The following LRRC1 variants were observed in gnomAD, a reference collection of about 807,000 sequenced individuals.
LRRC1 encodes the protein leucine-rich repeat-containing protein 1.
In LRRC1, 28 loss-of-function variants were observed where a neutral mutation model predicts 69.9. The ratio of observed to expected loss-of-function variants is 0.40; its 90% CI spans 0.30 to 0.55. LRRC1 has a LOEUF of 0.55. LRRC1 is among the 20% of genes least tolerant of loss of function. LRRC1 has a pLI of 0.47. For missense variants in LRRC1, 498 were observed against 609.0 expected (o/e 0.82, Z 1.92); for synonymous variants, 236 against 240.2 (o/e 0.98, Z 0.16).
At chr6:53,900,331 C>T (rs1283670302) in intron 8 of LRRC1, among the ~76,000 whole-genome samples, 1 of 152,162 alleles carries the variant, frequency 6.6e-6, no homozygotes, top group Non-Finnish European at 1.5e-5. Context: ...GCCACCATGC[C>T]CGGCCTTGCT....
intron 2 of LRRC1, among the ~76,000 whole-genome samples, chr6:53,873,822 G>C: frequency 6.6e-6 from 1 of 152,078 alleles, no homozygotes; most frequent in East Asian, 1.9e-4. Context: ...GTCTTGTCTA[G>C]ATCTTACGAA....
Position 53,918,569 on chromosome 6 carries a change from G to C in LRRC1, c.1107-929G>C, listed in dbSNP as rs1400475930. ...CTTTTCATATCTTTAGAGAGTTCTA[G>C]TTTATTTCCTGTAAGTTCTGTCAAT... On this transcript the variant is annotated intron_variant, in intron 11 of 13. Transcript: ENST00000370888. Among the ~76,000 whole-genome samples, 6 of 152,090 alleles carry C rather than the reference G, an allele frequency of 3.9e-5. No individual in the cohort carries two copies. In the East Asian group the frequency reaches 1.2e-3, roughly 29 times the overall value.
intron 2 of LRRC1, among the ~76,000 whole-genome samples, chr6:53,857,819 A>T (rs1766361442): frequency 6.6e-6 from 1 of 152,218 alleles, no homozygotes; most frequent in Non-Finnish European, 1.5e-5. Context: ...GAAGGCTTGA[A>T]ACATATCCAC....
intron 1 of LRRC1, among the ~76,000 whole-genome samples, chr6:53,825,103 A>T (rs1042235954): frequency 1.2e-4 from 18 of 152,284 alleles, no homozygotes; most frequent in African/African-American, 4.3e-4. Flanking sequence ...GGTGTGTTCC[A>T]GTGTGTGTTT....
intron 1 of LRRC1, among the ~76,000 whole-genome samples, chr6:53,827,676 C>T (rs770950584): frequency 2.6e-5 from 4 of 152,034 alleles, no homozygotes; most frequent in African/African-American, 4.8e-5. Flanking sequence ...GAAATGGAGT[C>T]AGAAAGGCCA....
chr6:53,879,572 C>A (rs1767198781), intron 3 of LRRC1, among the ~76,000 whole-genome samples: 1 of 152,172 alleles, frequency 6.6e-6, no homozygotes, highest in South Asian at 2.1e-4. Flanking sequence ...GCCGGAGCCA[C>A]CTCGCCCAGC....
At chr6:53,876,804 C>T (rs1410191879) in intron 2 of LRRC1, among the ~76,000 whole-genome samples, 2 of 152,220 alleles carry the variant, frequency 1.3e-5, no homozygotes, top group African/African-American at 4.8e-5. Flanking sequence ...GGTATAACCC[C>T]TTACCTGGCT....
chr6:53,831,641 A>G (rs928180961), intron 1 of LRRC1, among the ~76,000 whole-genome samples: 1 of 152,188 alleles, frequency 6.6e-6, no homozygotes, highest in African/African-American at 2.4e-5. Context: ...TTAGAGTAAG[A>G]GATAAAGTCC....
intron 1 of LRRC1, among the ~76,000 whole-genome samples, chr6:53,796,892 A>C (rs1400062014): frequency 6.6e-6 from 1 of 152,070 alleles, no homozygotes; most frequent in East Asian, 1.9e-4. Context: ...TCACTGCTTT[A>C]AGTTGTGTAA....
chr6:53,884,929 T>C (rs569102695), intron 4 of LRRC1, among the ~76,000 whole-genome samples: 1 of 152,376 alleles, frequency 6.6e-6, no homozygotes, highest in African/African-American at 2.4e-5. Flanking sequence ...AATCAGCTTC[T>C]GTTACTATTA....
intron 2 of LRRC1, among the ~76,000 whole-genome samples, chr6:53,852,749 A>AT (rs1766179628): frequency 6.6e-6 from 1 of 152,214 alleles, no homozygotes; most frequent in Admixed American, 6.5e-5. Context: ...GAATTTGAAG[A>AT]TAAAAACTGG....
intron 1 of LRRC1, among the ~76,000 whole-genome samples, chr6:53,798,307 G>A (rs1324680378): frequency 1.3e-5 from 2 of 152,238 alleles, no homozygotes; most frequent in African/African-American, 2.4e-5. Flanking sequence ...TTTTGGCTCT[G>A]TGCTAACAAA....
intron 1 of LRRC1, among the ~76,000 whole-genome samples, chr6:53,795,905 T>A (rs956889804): frequency 6.6e-6 from 1 of 152,246 alleles, no homozygotes; most frequent in African/African-American, 2.4e-5. Context: ...CGGGCCGCAC[T>A]ATCTCGGCAT....
Position 53,920,769 on chromosome 6 carries a change from A to G in LRRC1, c.1416+8A>G. The G allele has an allele frequency of 6.2e-7, 1 of 1,614,146 alleles. No homozygotes were observed. Among genetic ancestry groups the G allele is most frequent in the Non-Finnish European group, 8.5e-7 (1 of 1,179,996 alleles). On this transcript the variant is annotated splice_region_variant and intron_variant, in intron 13 of 13. Coordinates refer to ENST00000370888, the MANE Select transcript of LRRC1 (RefSeq NM_018214.5). ...GAAGAAGACAATGAGACGGTATGGA[A>G]ATGCAGATTCTTTGCCTCTGTGGAA...
chr6:53,897,810 C>T (rs1767924891), intron 7 of LRRC1, among the ~76,000 whole-genome samples: 2 of 152,102 alleles, frequency 1.3e-5, no homozygotes, highest in African/African-American at 2.4e-5. Context: ...CCAAATGTTG[C>T]TTATGGTTTA....
rs1364296001 is a variant in LRRC1, at chr6:53,922,745, C to CA, written c.1532dup (p.Asn511LysfsTer8). On this transcript the variant is annotated frameshift_variant, in exon 14 of 14. Transcript: ENST00000370888. LOFTEE classifies it high-confidence loss of function. ...ATGCTGCTAAAGGACTGGACTCAAA[C>CA]AAAAACGAGGTCAATCATGCCATTG... 1 of 1,614,036 alleles carries CA rather than the reference C, an allele frequency of 6.2e-7. No homozygotes were observed. The highest frequency in any genetic ancestry group is 8.5e-7 in the Non-Finnish European group (1 of 1,179,942).
intron 1 of LRRC1, among the ~76,000 whole-genome samples, chr6:53,824,111 C>T (rs1021541177): frequency 6.6e-6 from 1 of 150,938 alleles, no homozygotes; most frequent in Non-Finnish European, 1.5e-5. Flanking sequence ...CCACCAACAG[C>T]GTTTAAGTGT....
intron 2 of LRRC1, among the ~76,000 whole-genome samples, chr6:53,855,351 C>A (rs1269967439): frequency 6.6e-6 from 1 of 152,144 alleles, no homozygotes; most frequent in Non-Finnish European, 1.5e-5. Flanking sequence ...TGAATGAGTG[C>A]TGGGTTAAGA....
chr6:53,883,209 A>C (rs78843642), intron 4 of LRRC1, among the ~76,000 whole-genome samples: 1 of 152,200 alleles, frequency 6.6e-6, no homozygotes, highest in African/African-American at 2.4e-5. Flanking sequence ...TAAAAACCCT[A>C]AATTGTTTGG....
Sources: gnomAD v4.1 joint callset for allele counts (sites outside exome capture counted in the v4.1 genomes callset) on GRCh38, gnomAD v4.1.1 for gene constraint, MANE v1.5 for transcripts, NCBI Gene and HGNC (gene_info 2026-07-23, HGNC 2026-07-21) for gene names.